SPATA13: variants seen among roughly 807,000 people sequenced by gnomAD.
The protein encoded by SPATA13 is spermatogenesis associated 13.
Under a neutral mutation model 104.0 loss-of-function variants are expected in SPATA13, and 50 were observed. The ratio of observed to expected loss-of-function variants is 0.48; its 90% confidence interval spans 0.38 to 0.61. The LOEUF is 0.61. Ranked by LOEUF, SPATA13 falls within the 20% of genes least tolerant of loss-of-function variation. The pLI, the probability that SPATA13 is intolerant of heterozygous loss-of-function variation, is 0.00. For synonymous variants in SPATA13, 606 were observed against 667.5 expected (o/e 0.91, Z 1.42); for missense variants, 1,524 against 1,690.6 (o/e 0.90, Z 1.73).
At chr13:24,148,420 T>TTGG (rs1882002811) in intron 3 of SPATA13, among the ~76,000 whole-genome samples, 1 of 152,028 alleles carries the variant, frequency 6.6e-6, no homozygotes, top group Non-Finnish European at 1.5e-5. Context: ...GGCCATAGGG[T>TTGG]TGGAATAAAT....
intron 3 of SPATA13, among the ~76,000 whole-genome samples, chr13:24,118,728 G>A (rs900611946): frequency 2.0e-5 from 3 of 152,214 alleles, no homozygotes; most frequent in Middle Eastern, 3.4e-3. Flanking sequence ...CCACATGATA[G>A]TCTTACCCAT....
chr13:24,194,748 C>T (rs1266944815), intron 1 of SPATA13, among the ~76,000 whole-genome samples: 1 of 152,162 alleles, frequency 6.6e-6, no homozygotes, highest in East Asian at 1.9e-4. Flanking sequence ...ACGTGCTTTA[C>T]GATATGTGGA....
chr13:24,032,528 A>G (rs1236742564), intron 3 of SPATA13, among the ~76,000 whole-genome samples: 1 of 152,164 alleles, frequency 6.6e-6, no homozygotes, highest in Non-Finnish European at 1.5e-5. Flanking sequence ...CGTTACAAAT[A>G]TGTTGGGTTT....
At chr13:24,259,898 A>G (rs1873974115) in intron 4 of SPATA13, among the ~76,000 whole-genome samples, 1 of 152,192 alleles carries the variant, frequency 6.6e-6, no homozygotes, top group African/African-American at 2.4e-5. Flanking sequence ...CCTTGGCTTT[A>G]CAAAGTACTG....
intron 2 of SPATA13, among the ~76,000 whole-genome samples, chr13:23,988,051 C>G (rs1434516982): frequency 2.0e-5 from 3 of 151,588 alleles, no homozygotes; most frequent in Non-Finnish European, 4.4e-5. Context: ...TCAGGCAATT[C>G]TCCTGCCTCA....
intron 3 of SPATA13, among the ~76,000 whole-genome samples, chr13:24,024,181 G>A (rs956007991): frequency 1.1e-4 from 16 of 152,142 alleles, no homozygotes; most frequent in African/African-American, 3.4e-4. Context: ...GCTAAGGGAG[G>A]TGACCAGTCA....
chr13:24,259,039 A>G (rs966216186), intron 4 of SPATA13, among the ~76,000 whole-genome samples: 2 of 152,200 alleles, frequency 1.3e-5, no homozygotes, highest in Non-Finnish European at 2.9e-5. Context: ...AAGAATCTGC[A>G]GGCTGCCCGT....
At chr13:24,214,863 C>T (rs1871197097) in intron 1 of SPATA13, among the ~76,000 whole-genome samples, 1 of 152,164 alleles carries the variant, frequency 6.6e-6, no homozygotes, top group Admixed American at 6.5e-5. Context: ...TTTAGTTTTC[C>T]TAGCAACTAA....
rs751059471 is a variant in SPATA13 at position 24,251,732 on chromosome 13, G to A, written c.2034G>A (p.Pro678=). 9.9e-6 allele frequency: 16 copies of A among 1,613,792 alleles called. No homozygotes were observed. The highest frequency in any genetic ancestry group is 5.5e-5 in the South Asian group (5 of 91,046). ...DNLLTQPASR[P]PMPAHQVPPY... is the part of the protein sequence containing the mutation. ...TCTTTTTGCAGCCGGCTTCCAGGCCGCCCATGCCTGCTCACCAGGTGCCAC... is the reference window on the plus strand; with the variant it reads ...TCTTTTTGCAGCCGGCTTCCAGGCCACCCATGCCTGCTCACCAGGTGCCAC... Residue 678 remains proline, a synonymous_variant, in exon 4 of 13, where the codon CCG becomes CCA. Coordinates refer to ENST00000382108, the MANE Select transcript of SPATA13 (RefSeq NM_001166271.3).
chr13:24,113,868 CAAAAAA>C (rs958434459), intron 3 of SPATA13, among the ~76,000 whole-genome samples: 2 of 56,192 alleles, frequency 3.6e-5, no homozygotes, highest in African/African-American at 6.4e-5. Flanking sequence ...GACTCGATCT[CAAAAAA>C]AAAAAAAAAA....
At chr13:24,064,932 C>CCA (rs1199239308) in intron 3 of SPATA13, among the ~76,000 whole-genome samples, 1 of 151,892 alleles carries the variant, frequency 6.6e-6, no homozygotes, top group Non-Finnish European at 1.5e-5. Flanking sequence ...AATACCTGAT[C>CCA]AATACTCCTC....
intron 3 of SPATA13, 28 bp downstream of exon 3, chr13:24,249,870 C>T (rs1212572440): frequency 6.5e-7 from 1 of 1,548,894 alleles, no homozygotes; most frequent in Non-Finnish European, 8.7e-7. Context: ...CTTCCCCAAG[C>T]CAGCAGAGGC....
chr13:24,239,693 T>TAAAAA lies in SPATA13; in HGVS notation c.1654-9762_1654-9758dup, dbSNP rs55881452. Reference sequence around the variant, plus strand: ...CTGGGTGTCGGATAGAGACCATATCTAAAAAAAAAAAAAAAAAAAAAAAAA... The same window carrying TAAAAA: ...CTGGGTGTCGGATAGAGACCATATCTAAAAAAAAAAAAAAAAAAAAAAAAAAAAAA... On this transcript the variant is annotated intron_variant, in intron 2 of 12. Transcript: ENST00000382108. Among the ~76,000 whole-genome samples the TAAAAA allele has an allele frequency of 4.2e-3, 198 of 46,910 alleles. 24 individuals are homozygous for TAAAAA. Among genetic ancestry groups the TAAAAA allele is most frequent in the African/African-American group, 0.012 (159 of 13,466 alleles). 30.8% of individuals were successfully genotyped at this position (46,910 alleles called of 152,430 possible).
Position 24,223,530 on chromosome 13 carries a change from C to G in SPATA13, c.601C>G (p.Arg201Gly). Reference protein sequence around the residue: ...DAFQRSTHRSRSLRRAYGLGR... With the variant: ...DAFQRSTHRSGSLRRAYGLGR... ...CTTCCAGCGGAGCACACACCGCTCC[C>G]GCAGCCTCCGCAGAGCCTACGGCCT... The change falls in exon 2 of 13, where the codon CGC (arginine) becomes GGC (glycine). Residue 201 changes from arginine to glycine, a missense_variant. Transcript: ENST00000382108. 6.5e-6 allele frequency: 10 copies of G among 1,548,648 alleles called. No individual in the cohort carries two copies. Among genetic ancestry groups the G allele is most frequent in the South Asian group, 3.6e-5 (3 of 84,060 alleles).
chr13:24,270,933 T>G, intron 4 of SPATA13: 1 of 1,558,014 alleles, frequency 6.4e-7, no homozygotes, highest in Non-Finnish European at 8.8e-7. Flanking sequence ...AAAGAATGGA[T>G]TGTTGTACTG....
Position 24,086,389 on chromosome 13 carries a change from G to A in SPATA13, c.-112+68688G>A, listed in dbSNP as rs530742303. 3.3e-5 allele frequency among the ~76,000 whole-genome samples: 5 copies of A among 152,268 alleles called. No individual in the cohort carries two copies. In the South Asian group the frequency reaches 1.0e-3, roughly 32 times the overall value. The stretch of plus-strand genomic sequence containing the variant: ...TGTGATCGCAGGGTCCTCTTAGGAG[G>A]ACCCATCTGCTTGGGTGACAGCTGC... On this transcript the variant is annotated intron_variant, in intron 3 of 14. Transcript: ENST00000424834.
intron 1 of SPATA13, among the ~76,000 whole-genome samples, chr13:24,195,132 G>T (rs186056531): frequency 1.3e-5 from 2 of 152,160 alleles, no homozygotes; most frequent in African/African-American, 4.8e-5. Flanking sequence ...CCAGGCTCTG[G>T]CAACCACTGA....
chr13:24,095,328 G>T (rs6490869), intron 3 of SPATA13, among the ~76,000 whole-genome samples: 138,798 of 152,306 alleles, frequency 0.91, 63,790 homozygotes, highest in Middle Eastern at 0.98. Flanking sequence ...GGACAAGTAC[G>T]GTATGATTCC....
intron 1 of SPATA13, among the ~76,000 whole-genome samples, chr13:24,173,835 G>A (rs867138705): frequency 1.7e-4 from 26 of 152,222 alleles, no homozygotes; most frequent in Middle Eastern, 3.4e-3. Context: ...CCATTTGGTC[G>A]TATGAATAAT....
Sources: allele counts gnomAD v4.1 joint callset (sites outside exome capture counted in the v4.1 genomes callset), GRCh38; gene constraint gnomAD v4.1.1; transcripts MANE v1.5; gene names NCBI Gene and HGNC (gene_info 2026-07-23, HGNC 2026-07-21).